The following TMEM69 variants were observed in gnomAD, a reference collection of about 807,000 sequenced individuals.
TMEM69 encodes transmembrane protein 69.
In TMEM69, 17 loss-of-function variants were observed where a neutral mutation model predicts 15.8. The ratio of observed to expected loss-of-function variants is 1.07; its 90% CI spans 0.73 to 1.61. The LOEUF (loss-of-function observed/expected upper bound fraction) is 1.61. TMEM69 is among the 40% of genes most tolerant of loss of function. The pLI, the probability that TMEM69 is intolerant of heterozygous loss-of-function variation, is 0.00. For synonymous variants in TMEM69, 80 were observed against 98.6 expected, an observed-to-expected ratio of 0.81 and a Z score of 1.12; for missense variants, 230 against 286.1, an observed-to-expected ratio of 0.80 and a Z score of 1.41.
rs1645367611 is a variant in TMEM69, at chr1:45,694,364, A to T, written c.*459A>T. The T allele has an allele frequency of 1.1e-6, 1 of 910,458 alleles. No individual in the cohort carries two copies. Among genetic ancestry groups the T allele is most frequent in the Non-Finnish European group, 1.8e-6 (1 of 568,858 alleles). The allele number at this position is 910,458 out of a possible 1,614,324, so 56.4% of individuals were successfully genotyped here. A position where few individuals can be genotyped will look rare whatever the true frequency, so the allele number is the denominator to read the frequency against. ...ATATTAGTTTTCACTCAGTCATTTT[A>T]TGAATAATATAGTTATCCACTTAAA... On this transcript the variant is annotated 3_prime_UTR_variant, in exon 3 of 3. Transcript: ENST00000372025.
Position 45,693,589 on chromosome 1 carries a change from T to A in TMEM69, c.428T>A (p.Ile143Asn). 1 of 1,614,210 alleles carries A rather than the reference T, an allele frequency of 6.2e-7. No homozygotes were observed. The highest frequency in any genetic ancestry group is 8.5e-7 in the Non-Finnish European group (1 of 1,180,028). ...GASFLSFLGG[I>N]RWGFALPEGS... ...AGTTTCCTATCTTTCTTGGGTGGGA[T>A]CAGATGGGGTTTTGCTCTACCAGAA... The change falls in exon 3 of 3, where the codon ATC becomes AAC. Residue 143 changes from isoleucine (I) to asparagine (N), a missense_variant. Ile to Asn is a moderately radical substitution (Grantham distance 149). Coordinates refer to ENST00000372025, the MANE Select transcript of TMEM69 (RefSeq NM_016486.4).
intron 2 of TMEM69, among the ~76,000 whole-genome samples, chr1:45,691,875 C>CTCAAAAA (rs775998567): frequency 1.3e-5 from 2 of 150,806 alleles, no homozygotes; most frequent in Admixed American, 6.6e-5. Flanking sequence ...AGGCCAGGCA[C>CTCAAAAA]GGTCACTCAC....
chr1:45,693,208 T>G lies in TMEM69; in HGVS notation c.47T>G (p.Leu16Arg). 1 of 1,597,240 alleles carries G rather than the reference T, an allele frequency of 6.3e-7. No homozygotes were observed. Among genetic ancestry groups the G allele is most frequent in the Non-Finnish European group, 8.5e-7 (1 of 1,171,726 alleles). ...TTGGTTCTATTTTCTTTGTAGATAC[T>G]GAAGTACTCTTTCCCAGTGGGACTA... is the stretch of plus-strand genomic sequence containing the variant. ...QKFSQASSKILKYSFPVGLRT... is the reference protein window; with the variant it reads ...QKFSQASSKIRKYSFPVGLRT... Residue 16 changes from leucine to arginine, a missense_variant, in exon 3 of 3, where the codon CTG becomes CGG. Physicochemically the swap from Leu to Arg is moderately radical, Grantham distance 102. Transcript: ENST00000372025.
chr1:45,692,098 G>A (rs1645348497), intron 2 of TMEM69, among the ~76,000 whole-genome samples: 1 of 152,158 alleles, frequency 6.6e-6, no homozygotes, highest in Non-Finnish European at 1.5e-5. Context: ...AGTGAGCAGA[G>A]ATTGTACCAC....
At position 45,689,486 on chromosome 1, in the gene TMEM69, G is replaced by A. The variant is rs375914964; in HGVS notation, c.-96+1211G>A. On this transcript the variant is annotated intron_variant, in intron 1 of 2. Transcript: ENST00000372025. ...TTTGGGAGGCCGAGGCAGGTGGATTGCTTGAGCTCAGGAGTTCAAGACCAG... is the reference window on the plus strand; with the variant it reads ...TTTGGGAGGCCGAGGCAGGTGGATTACTTGAGCTCAGGAGTTCAAGACCAG... Among the ~76,000 whole-genome samples the A allele has an allele frequency of 3.3e-5, 5 of 151,850 alleles. No individual in the cohort carries two copies. The East Asian group carries it at 5.8e-4, about 18-fold the overall frequency.
chr1:45,689,553 A>G (rs1645329989), intron 1 of TMEM69, among the ~76,000 whole-genome samples: 1 of 152,148 alleles, frequency 6.6e-6, no homozygotes, highest in African/African-American at 2.4e-5. Context: ...AAAAAATACA[A>G]AAATTGGGGC....
At chr1:45,690,443 A>G (rs779382140) in intron 1 of TMEM69, among the ~76,000 whole-genome samples, 23 of 152,312 alleles carry the variant, frequency 1.5e-4, no homozygotes, top group Admixed American at 4.6e-4. Flanking sequence ...CAGATGATGC[A>G]GTGAGCCAAG....
intron 2 of TMEM69, 90 bp from the exon 3 acceptor site, chr1:45,693,114 A>G (rs976227494): frequency 4.3e-6 from 4 of 935,184 alleles, no homozygotes; most frequent in Non-Finnish European, 6.4e-6. Flanking sequence ...CTTTCAAACA[A>G]TCCCCATTAT....
At chr1:45,689,328 CTTACA>C (rs1474041669) in intron 1 of TMEM69, among the ~76,000 whole-genome samples, 3 of 152,100 alleles carry the variant, frequency 2.0e-5, no homozygotes, top group African/African-American at 4.8e-5. Context: ...TTACTGGCTG[CTTACA>C]TTAGAGTTTT....
rs961161900 is a variant in TMEM69 at position 45,688,218 on chromosome 1, T to C, written c.-153T>C. The C allele has an allele frequency of 1.3e-5, 2 of 152,220 alleles. No homozygotes were observed. Among genetic ancestry groups the C allele is most frequent in the Non-Finnish European group, 2.9e-5 (2 of 68,050 alleles). The allele number at this position is 152,220 out of a possible 1,614,324, so 9.4% of individuals were successfully genotyped here. On this transcript the variant is annotated 5_prime_UTR_variant, in exon 1 of 3. Transcript: ENST00000372025. Reference sequence around the variant, plus strand: ...TGCCTTTCCAGTGGACCTGGGCTGTTGTTGCGGTTGTTTTCCTTCTCTCCG... The same window carrying C: ...TGCCTTTCCAGTGGACCTGGGCTGTCGTTGCGGTTGTTTTCCTTCTCTCCG...
intron 1 of TMEM69, among the ~76,000 whole-genome samples, chr1:45,688,830 T>C (rs754000001): frequency 5.3e-5 from 8 of 152,044 alleles, no homozygotes; most frequent in Non-Finnish European, 8.8e-5. Context: ...AAGTATAGTA[T>C]GAAGACATTA....
chr1:45,692,918 T>C (rs1361829170), intron 2 of TMEM69, among the ~76,000 whole-genome samples: 1 of 152,226 alleles, frequency 6.6e-6, no homozygotes, highest in East Asian at 1.9e-4. Flanking sequence ...TTTCAGATAT[T>C]TTTCTCATGG....
Position 45,694,141 on chromosome 1 carries a change from AATATAT to A in TMEM69, c.*244_*249del, listed in dbSNP as rs145384782. ...TTACTTTTTAGTTAAAAGTTTTAAAAATATATATATATAAATACACTGTAGATAACA... is the reference window on the plus strand; with the variant it reads ...TTACTTTTTAGTTAAAAGTTTTAAAAATATATAAATACACTGTAGATAACA... On this transcript the variant is annotated 3_prime_UTR_variant, in exon 3 of 3. Transcript: ENST00000372025. 3 of 293,700 alleles carry A rather than the reference AATATAT, an allele frequency of 1.0e-5. No homozygotes were observed. The highest frequency in any genetic ancestry group is 1.7e-5 in the Non-Finnish European group (3 of 172,484). The allele number at this position is 293,700 out of a possible 1,614,324, so 18.2% of individuals were successfully genotyped here.
At chr1:45,691,198 C>A (rs1185188424) in intron 2 of TMEM69, 88 bp downstream of exon 2, 75 of 1,105,700 alleles carry the variant, frequency 6.8e-5, no homozygotes, top group Non-Finnish European at 2.1e-5. Context: ...AAAATCCTTA[C>A]CCTTGTATAT....
At position 45,693,797 on chromosome 1, in the gene TMEM69, A is replaced by G; in HGVS notation, c.636A>G (p.Lys212=). Residue 212 remains lysine (K), a synonymous_variant, in exon 3 of 3, where the codon AAA becomes AAG. Coordinates refer to ENST00000372025, the MANE Select transcript of TMEM69 (RefSeq NM_016486.4). ...FLLPHYPNWF[K]ALRIVVTLLA... ...TACCACATTATCCCAACTGGTTTAA[A>G]GCCCTGAGGATAGTAGTCACTTTAT... is the stretch of plus-strand genomic sequence containing the variant. The G allele has an allele frequency of 6.2e-7, 1 of 1,614,236 alleles. No individual in the cohort carries two copies. The highest frequency in any genetic ancestry group is 8.5e-7 in the Non-Finnish European group (1 of 1,180,044).
chr1:45,692,276 A>T (rs981765411), intron 2 of TMEM69, among the ~76,000 whole-genome samples: 25 of 152,342 alleles, frequency 1.6e-4, no homozygotes, highest in African/African-American at 5.5e-4. Context: ...GGAAGTAGGT[A>T]ACTGAGGGAA....
intron 1 of TMEM69, among the ~76,000 whole-genome samples, chr1:45,689,557 T>C (rs963527839): frequency 5.3e-5 from 8 of 151,904 alleles, no homozygotes; most frequent in Middle Eastern, 3.4e-3. Flanking sequence ...AATACAAAAA[T>C]TGGGGCCAGG....
At position 45,694,065 on chromosome 1, in the gene TMEM69, T is replaced by G; in HGVS notation, c.*160T>G. 2.0e-6 allele frequency: 1 copy of G among 507,810 alleles called. No homozygotes were observed. Among genetic ancestry groups the G allele is most frequent in the Non-Finnish European group, 3.4e-6 (1 of 293,156 alleles). The allele number at this position is 507,810 out of a possible 1,614,324, so 31.5% of individuals were successfully genotyped here. A position where few individuals can be genotyped will look rare whatever the true frequency, so the allele number is the denominator to read the frequency against. ...CCTTCCACGTGTGAAGTGACAGCCTTGTGTGTGATCTTTTCTGTCTTCCCC... is the reference window on the plus strand; with the variant it reads ...CCTTCCACGTGTGAAGTGACAGCCTGGTGTGTGATCTTTTCTGTCTTCCCC... On this transcript the variant is annotated 3_prime_UTR_variant, in exon 3 of 3. Transcript: ENST00000372025.
rs1645363561 is a variant in TMEM69 at position 45,693,890 on chromosome 1, AC to A, written c.731del (p.Pro244LeufsTer26). On this transcript the variant is annotated frameshift_variant, in exon 3 of 3. Transcript: ENST00000372025. LOFTEE classifies it high-confidence loss of function. ...SSFPEKGHKR[P>X]GQV ...GTTTTCCAGAAAAAGGACATAAGAG[AC>A]CTGGTCAAGTATAAAAAATATAAAA... 6.3e-7 allele frequency: 1 copy of A among 1,597,320 alleles called. No homozygotes were observed. The highest frequency in any genetic ancestry group is 8.5e-7 in the Non-Finnish European group (1 of 1,173,222).
Sources: gnomAD v4.1 joint callset for allele counts (sites outside exome capture counted in the v4.1 genomes callset) on GRCh38, gnomAD v4.1.1 for gene constraint, MANE v1.5 for transcripts, NCBI Gene and HGNC (gene_info 2026-07-23, HGNC 2026-07-21) for gene names.